Variants in TMBIM6 observed in about 807,000 individuals in gnomAD.
The protein encoded by TMBIM6 is transmembrane BAX inhibitor motif containing 6.
TMBIM6 carries 13 observed loss-of-function variants against 31.4 expected under a neutral mutation model. That is an observed-to-expected ratio of 0.41 (90% confidence interval 0.27 to 0.66). The LOEUF (loss-of-function observed/expected upper bound fraction) is 0.66, where lower values mean the gene tolerates loss of function less well. TMBIM6 is among the 30% of genes least tolerant of loss of function. TMBIM6 has a pLI of 0.28. For missense variants in TMBIM6, 275 were observed against 289.5 expected, an observed-to-expected ratio of 0.95 and a Z score of 0.36; for synonymous variants, 85 against 101.7, an observed-to-expected ratio of 0.84 and a Z score of 0.99.
intron 7 of TMBIM6, chr12:49,758,990 TC>T: frequency 1.6e-6 from 1 of 626,154 alleles, no homozygotes; most frequent in Admixed American, 2.9e-5. Context: ...GTAAGGCCAG[TC>T]TGGCAGTGGC....
intron 1 of TMBIM6, among the ~76,000 whole-genome samples, chr12:49,746,229 C>T (rs1945391617): frequency 6.6e-6 from 1 of 151,578 alleles, no homozygotes; most frequent in Non-Finnish European, 1.5e-5. Context: ...ATTATAGGCG[C>T]CCACCACCAC....
intron 1 of TMBIM6, chr12:49,743,534 A>G (rs1305001953): frequency 6.6e-6 from 1 of 152,140 alleles, no homozygotes; most frequent in African/African-American, 2.4e-5. Context: ...TCCTAAAGAA[A>G]AAGAGTCATC....
chr12:49,746,065 A>G (rs558419435), intron 1 of TMBIM6, among the ~76,000 whole-genome samples: 108 of 151,408 alleles, frequency 7.1e-4, no homozygotes, highest in African/African-American at 2.4e-3. Context: ...TTCAGTTTAT[A>G]ATTTTCTTTT....
At chr12:49,750,173 A>T (rs974672164) in intron 1 of TMBIM6, among the ~76,000 whole-genome samples, 1 of 152,160 alleles carries the variant, frequency 6.6e-6, no homozygotes, top group Non-Finnish European at 1.5e-5. Context: ...CCCCCTGGGA[A>T]ACGTCAGAGA....
At chr12:49,749,322 T>C (rs1051249186) in intron 1 of TMBIM6, among the ~76,000 whole-genome samples, 3 of 152,226 alleles carry the variant, frequency 2.0e-5, no homozygotes, top group African/African-American at 7.2e-5. Flanking sequence ...CATTGTGTCA[T>C]ATACATTAAA....
At chr12:49,745,372 G>T (rs1033897343) in intron 1 of TMBIM6, among the ~76,000 whole-genome samples, 2 of 152,150 alleles carry the variant, frequency 1.3e-5, no homozygotes, top group Non-Finnish European at 2.9e-5. Context: ...AATTTATGAT[G>T]ATTGGACTTA....
chr12:49,759,164 G>GTTTTT, intron 7 of TMBIM6, 57 bp from the exon 8 acceptor site: 1 of 1,422,518 alleles, frequency 7.0e-7, no homozygotes, highest in Non-Finnish European at 9.9e-7. Context: ...AGTATGGCTG[G>GTTTTT]TTTTTTTTTC....
In TMBIM6 at chr12:49,763,093, TC is replaced by T. The variant is rs2136968051; in HGVS notation, c.*199del. 1.9e-6 allele frequency: 1 copy of T among 518,836 alleles called. No homozygotes were observed. Among genetic ancestry groups the T allele is most frequent in the African/African-American group, 1.9e-5 (1 of 52,496 alleles). The allele number at this position is 518,836 out of a possible 1,614,324, so 32.1% of individuals were successfully genotyped here. On this transcript the variant is annotated 3_prime_UTR_variant, in exon 10 of 10. Transcript: ENST00000267115. ...TATAGTTTGGAGTTTGGCTTCATCT[TC>T]CTGGGGTTCCCCTCACTCCCTTTTT...
At chr12:49,757,700 C>CAGAAGGAAAGAGGAAAGTAATT (rs1945631851) in intron 4 of TMBIM6, among the ~76,000 whole-genome samples, 1 of 152,156 alleles carries the variant, frequency 6.6e-6, no homozygotes, top group South Asian at 2.1e-4. Flanking sequence ...GTGGAATTAT[C>CAGAAGGAAAGAGGAAAGTAATT]AGAAGGAAAG....
chr12:49,757,657 T>C (rs567195664), intron 4 of TMBIM6, among the ~76,000 whole-genome samples: 1 of 152,302 alleles, frequency 6.6e-6, no homozygotes, highest in Admixed American at 6.5e-5. Flanking sequence ...AATTTTTGCA[T>C]CAGGGCAAGC....
chr12:49,743,245 T>TG (rs1565915233), intron 1 of TMBIM6, among the ~76,000 whole-genome samples: 4 of 123,316 alleles, frequency 3.2e-5, no homozygotes, highest in African/African-American at 1.2e-4. Context: ...TATTATTATG[T>TG]TTTTTTTTTG....
intron 1 of TMBIM6, among the ~76,000 whole-genome samples, chr12:49,747,896 GT>G (rs887487099): frequency 1.7e-3 from 264 of 151,886 alleles, no homozygotes; most frequent in African/African-American, 6.0e-3. Context: ...GAATGGTTGT[GT>G]TTTTTTTAAT....
chr12:49,744,396 C>G (rs1174033223), intron 1 of TMBIM6: 3 of 152,250 alleles, frequency 2.0e-5, no homozygotes, highest in South Asian at 2.1e-4. Context: ...TTCTACCACT[C>G]TGTTTTGTTC....
At chr12:49,747,304 C>G (rs1050312706) in intron 1 of TMBIM6, among the ~76,000 whole-genome samples, 2 of 152,128 alleles carry the variant, frequency 1.3e-5, no homozygotes, top group African/African-American at 4.8e-5. Context: ...AACGGTTTTG[C>G]TGTGTTGCCC....
chr12:49,752,390 CTT>C (rs201023385), intron 1 of TMBIM6, 72 bp from the exon 2 acceptor site: 4,183 of 855,972 alleles, frequency 4.9e-3, no homozygotes, highest in South Asian at 9.1e-3. Context: ...TTACATGTTG[CTT>C]TTTTTTTTTT....
intron 1 of TMBIM6, among the ~76,000 whole-genome samples, chr12:49,752,106 T>C (rs1945505395): frequency 6.6e-6 from 1 of 152,146 alleles, no homozygotes; most frequent in Non-Finnish European, 1.5e-5. Context: ...TGACATAAAA[T>C]TGCTTTATGT....
In TMBIM6 at chr12:49,757,595, C is replaced by T. The variant is rs573013496; in HGVS notation, c.287-632C>T. Reference sequence around the variant, plus strand: ...AATTAGAACAGCTTGTTCTGAGTGACAGTCTAATATACGTAGGAGAAATTT... The same window carrying T: ...AATTAGAACAGCTTGTTCTGAGTGATAGTCTAATATACGTAGGAGAAATTT... On this transcript the variant is annotated intron_variant, in intron 4 of 9. Coordinates refer to ENST00000267115, the MANE Select transcript of TMBIM6 (RefSeq NM_003217.3). 1.1e-4 allele frequency among the ~76,000 whole-genome samples: 16 copies of T among 152,284 alleles called. No individual in the cohort carries two copies. In the South Asian group the frequency reaches 3.1e-3, roughly 30 times the overall value.
At chr12:49,759,385 T>C (rs945799507) in intron 8 of TMBIM6, 64 bp downstream of exon 8, 20 of 1,433,000 alleles carry the variant, frequency 1.4e-5, no homozygotes, top group Non-Finnish European at 1.9e-5. Context: ...GCAGCTGAAC[T>C]TAGGTTGGCA....
chr12:49,747,130 G>A (rs980766937), intron 1 of TMBIM6, among the ~76,000 whole-genome samples: 1 of 152,030 alleles, frequency 6.6e-6, no homozygotes, highest in African/African-American at 2.4e-5. Context: ...GAGCCACCGT[G>A]CCCAGCCCTT....
Sources: gnomAD v4.1 joint callset for allele counts (sites outside exome capture counted in the v4.1 genomes callset) on GRCh38, gnomAD v4.1.1 for gene constraint, MANE v1.5 for transcripts, NCBI Gene and HGNC (gene_info 2026-07-23, HGNC 2026-07-21) for gene names.